Variants in BNC2 observed in about 807,000 individuals in gnomAD.
The protein encoded by BNC2 is basonuclin zinc finger protein 2, also known as zinc finger protein basonuclin-2.
A neutral mutation model predicts 76.3 loss-of-function variants in BNC2; 20 were observed. The ratio of observed to expected loss-of-function variants is 0.26; its 90% CI spans 0.18 to 0.38. BNC2 has a LOEUF of 0.38. BNC2 is among the 10% of genes least tolerant of loss of function. The pLI, the probability that BNC2 is intolerant of heterozygous loss-of-function variation, is 1.00. For synonymous variants in BNC2, 582 were observed against 514.8 expected (o/e 1.13, Z -1.77); for missense variants, 1,382 against 1,399.8 (o/e 0.99, Z 0.20).
At chr9:16,796,546 TG>T (rs1817654693) in intron 1 of BNC2, among the ~76,000 whole-genome samples, 1 of 133,996 alleles carries the variant, frequency 7.5e-6, no homozygotes, top group Non-Finnish European at 1.5e-5. Context: ...CACTCCAGCC[TG>T]GGTGACAGAG....
chr9:16,844,553 A>C (rs1310350284), intron 1 of BNC2, among the ~76,000 whole-genome samples: 2 of 135,286 alleles, frequency 1.5e-5, no homozygotes, highest in Non-Finnish European at 3.0e-5. Flanking sequence ...GCTGGAGTGC[A>C]GTGGCGAGAT....
intron 3 of BNC2, among the ~76,000 whole-genome samples, chr9:16,613,866 G>A (rs1820621652): frequency 6.6e-6 from 1 of 152,188 alleles, no homozygotes; most frequent in African/African-American, 2.4e-5. Flanking sequence ...TCTGATTCCA[G>A]ACAGGCAGTG....
chr9:16,696,087 A>T (rs1823329931), intron 3 of BNC2, among the ~76,000 whole-genome samples: 2 of 152,172 alleles, frequency 1.3e-5, no homozygotes. Context: ...AATAATTCTA[A>T]CAAGTACATG....
At chr9:16,470,151 C>T (rs1821791684) in intron 5 of BNC2, among the ~76,000 whole-genome samples, 1 of 151,890 alleles carries the variant, frequency 6.6e-6, no homozygotes, top group Non-Finnish European at 1.5e-5. Context: ...GCGCCCACCA[C>T]CACGCCCAGC....
At chr9:16,822,083 A>G (rs1171273539) in intron 1 of BNC2, among the ~76,000 whole-genome samples, 1 of 124,476 alleles carries the variant, frequency 8.0e-6, no homozygotes, top group East Asian at 2.3e-4. Flanking sequence ...ACAGAGCCAG[A>G]CTCCATCTCA....
At chr9:16,630,154 TTAAC>T (rs1198558808) in intron 3 of BNC2, among the ~76,000 whole-genome samples, 3 of 152,160 alleles carry the variant, frequency 2.0e-5, no homozygotes, top group African/African-American at 7.2e-5. Context: ...AAGAACAGAC[TTAAC>T]TAATACATAG....
At chr9:16,538,899 T>C (rs1177292040) in intron 5 of BNC2, among the ~76,000 whole-genome samples, 1 of 152,226 alleles carries the variant, frequency 6.6e-6, no homozygotes, top group Non-Finnish European at 1.5e-5. Context: ...GCAATAATTA[T>C]AGATCATACT....
intron 5 of BNC2, among the ~76,000 whole-genome samples, chr9:16,514,693 A>G (rs1379843743): frequency 6.6e-6 from 1 of 152,202 alleles, no homozygotes; most frequent in African/African-American, 2.4e-5. Context: ...AATTGTAATA[A>G]TAACATTTTT....
intron 5 of BNC2, among the ~76,000 whole-genome samples, chr9:16,471,062 G>C (rs568877824): frequency 2.6e-4 from 40 of 152,178 alleles, no homozygotes; most frequent in Non-Finnish European, 4.0e-4. Context: ...CAAGGGCGGA[G>C]CTGCCCAAGA....
At chr9:16,578,728 C>T (rs148754369) in intron 4 of BNC2, among the ~76,000 whole-genome samples, 104 of 152,030 alleles carry the variant, frequency 6.8e-4, no homozygotes, top group African/African-American at 2.1e-3. Context: ...TTGCCACTTT[C>T]GAACCAAAAA....
chr9:16,810,230 G>C (rs1014171724), intron 1 of BNC2, among the ~76,000 whole-genome samples: 2 of 152,182 alleles, frequency 1.3e-5, no homozygotes, highest in African/African-American at 4.8e-5. Context: ...GCAATCCATA[G>C]GACAGGCTTA....
intron 1 of BNC2, among the ~76,000 whole-genome samples, chr9:16,746,347 T>A (rs1427173471): frequency 6.6e-6 from 1 of 152,146 alleles, no homozygotes; most frequent in East Asian, 2.0e-4. Flanking sequence ...TGAATCTTAT[T>A]AAACTCGTTT....
intron 3 of BNC2, among the ~76,000 whole-genome samples, chr9:16,718,107 C>T (rs1473238491): frequency 1.3e-5 from 2 of 152,182 alleles, no homozygotes; most frequent in African/African-American, 4.8e-5. Flanking sequence ...ACTTCATTTT[C>T]ATTACTCTAA....
At chr9:16,637,877 TGTG>T (rs1462070477) in intron 3 of BNC2, among the ~76,000 whole-genome samples, 1 of 152,210 alleles carries the variant, frequency 6.6e-6, no homozygotes, top group Non-Finnish European at 1.5e-5. Context: ...CGAACAGTAT[TGTG>T]GTGTAATATA....
chr9:16,434,569 T>C (rs549681226), intron 6 of BNC2, among the ~76,000 whole-genome samples: 1 of 152,362 alleles, frequency 6.6e-6, no homozygotes, highest in African/African-American at 2.4e-5. Context: ...TGGTGTATTA[T>C]GTACGTGATC....
intron 5 of BNC2, among the ~76,000 whole-genome samples, chr9:16,539,107 G>A (rs948081978): frequency 3.3e-5 from 5 of 152,034 alleles, no homozygotes; most frequent in South Asian, 2.1e-4. Context: ...GTAACAGAGG[G>A]GCATGTTGTC....
intron 4 of BNC2, among the ~76,000 whole-genome samples, chr9:16,562,011 TAAAC>T (rs1441509845): frequency 6.6e-6 from 1 of 151,666 alleles, no homozygotes; most frequent in Non-Finnish European, 1.5e-5. Flanking sequence ...TCTCAAAAAA[TAAAC>T]AAACAAAAAA....
chr9:16,576,405 A>T (rs907868422), intron 4 of BNC2, among the ~76,000 whole-genome samples: 9 of 152,188 alleles, frequency 5.9e-5, no homozygotes, highest in African/African-American at 2.2e-4. Context: ...AGTGGGAAGG[A>T]GAGAAGACTA....
At chr9:16,745,013 C>G (rs562739642) in intron 1 of BNC2, among the ~76,000 whole-genome samples, 1 of 152,320 alleles carries the variant, frequency 6.6e-6, no homozygotes, top group Admixed American at 6.5e-5. Flanking sequence ...TGTCAGAGTT[C>G]TGCAGCGCAA....
Sources: allele counts gnomAD v4.1 joint callset (sites outside exome capture counted in the v4.1 genomes callset), GRCh38; gene constraint gnomAD v4.1.1; transcripts MANE v1.5; gene names NCBI Gene and HGNC (gene_info 2026-07-23, HGNC 2026-07-21).